The following MBNL1 variants were observed in gnomAD, a reference collection of about 807,000 sequenced individuals.
MBNL1 encodes muscleblind-like protein 1.
Under a neutral mutation model 42.2 loss-of-function variants are expected in MBNL1, and 8 were observed. That is an observed-to-expected ratio of 0.19 (90% CI 0.11 to 0.34). The LOEUF (loss-of-function observed/expected upper bound fraction) is 0.34. Among genes scored for constraint, MBNL1 ranks in the 10% least tolerant of loss-of-function variants. MBNL1 has a pLI of 1.00. For missense variants in MBNL1, 309 were observed against 495.3 expected, an observed-to-expected ratio of 0.62 and a Z score of 3.57; for synonymous variants, 169 against 173.9, an observed-to-expected ratio of 0.97 and a Z score of 0.22.
At chr3:152,361,683 C>T (rs2095970902) in intron 2 of MBNL1, among the ~76,000 whole-genome samples, 1 of 151,838 alleles carries the variant, frequency 6.6e-6, no homozygotes, top group Admixed American at 6.6e-5. Context: ...TGATAGATAC[C>T]AGATTTGTGT....
chr3:152,388,985 T>G (rs892638711), intron 2 of MBNL1, among the ~76,000 whole-genome samples: 5 of 152,224 alleles, frequency 3.3e-5, no homozygotes, highest in Non-Finnish European at 4.4e-5. Flanking sequence ...ATAAACCTTT[T>G]CTGGTTTAGA....
rs557962575 is a variant in MBNL1 at position 152,288,324 on chromosome 3, A to T, written c.-789-11081A>T. 3.3e-5 allele frequency among the ~76,000 whole-genome samples: 5 copies of T among 152,324 alleles called. No homozygotes were observed. In the South Asian group the frequency reaches 6.2e-4, roughly 19 times the overall value. On this transcript the variant is annotated intron_variant, in intron 1 of 9. Transcript: ENST00000324210. ...TCTTGGTTATTTTAATTAGAAGTGC[A>T]TGCTGCTTCAGGGAGACTCCCCACT...
intron 1 of MBNL1, among the ~76,000 whole-genome samples, chr3:152,292,450 A>G (rs1303714074): frequency 6.6e-6 from 1 of 152,220 alleles, no homozygotes; most frequent in African/African-American, 2.4e-5. Context: ...TAGGTGATTT[A>G]GGGAACCAAA....
intron 7 of MBNL1, 41 bp from the exon 8 acceptor site, chr3:152,456,226 A>G (rs770192178): frequency 7.3e-7 from 1 of 1,361,412 alleles, no homozygotes. Context: ...ATATTGCTAC[A>G]CTCTTCTGTA....
chr3:152,442,724 T>C (rs143975650), intron 4 of MBNL1, among the ~76,000 whole-genome samples: 1 of 152,350 alleles, frequency 6.6e-6, no homozygotes, highest in African/African-American at 2.4e-5. Context: ...TTATTGATGA[T>C]GTCTATTAGG....
At position 152,315,592 on chromosome 3, in the gene MBNL1, C is replaced by G. The variant is rs1277903042; in HGVS notation, c.174+15225C>G. Among the ~76,000 whole-genome samples the G allele has an allele frequency of 2.0e-5, 3 of 151,888 alleles. No individual in the cohort carries two copies. In the East Asian group the frequency reaches 5.8e-4, roughly 29 times the overall value. ...ATAAAGCCAGTATTATTTTCTTTGA[C>G]ATTATTTTGCAGTTTGAATTTTCTA... On this transcript the variant is annotated intron_variant, in intron 2 of 9. Transcript: ENST00000324210.
At chr3:152,318,670 G>A (rs2073996087) in intron 2 of MBNL1, among the ~76,000 whole-genome samples, 1 of 152,166 alleles carries the variant, frequency 6.6e-6, no homozygotes, top group Non-Finnish European at 1.5e-5. Flanking sequence ...CAGAGACATA[G>A]TGCTTAGCAT....
intron 1 of MBNL1, among the ~76,000 whole-genome samples, chr3:152,288,876 G>A (rs1327953130): frequency 2.6e-5 from 4 of 152,088 alleles, no homozygotes; most frequent in Non-Finnish European, 5.9e-5. Flanking sequence ...CCATTGATTA[G>A]CTGCTATATG....
At chr3:152,414,763 T>C (rs942644903) in intron 2 of MBNL1, among the ~76,000 whole-genome samples, 178 bp from the exon 3 acceptor site, 1 of 152,212 alleles carries the variant, frequency 6.6e-6, no homozygotes, top group African/African-American at 2.4e-5. Context: ...CCTCTCATAT[T>C]GATAGTACAT....
At chr3:152,381,922 G>C (rs934564570) in intron 2 of MBNL1, among the ~76,000 whole-genome samples, 60 of 152,104 alleles carry the variant, frequency 3.9e-4, no homozygotes, top group African/African-American at 1.4e-3. Context: ...TTTTTCAACT[G>C]TTCTTTTGAC....
intron 2 of MBNL1, among the ~76,000 whole-genome samples, chr3:152,346,881 T>TAAA (rs35680881): frequency 2.7e-3 from 381 of 141,872 alleles, no homozygotes; most frequent in African/African-American, 9.2e-3. Flanking sequence ...TCACTTTAAT[T>TAAA]AAAAAAAAAA....
At chr3:152,416,002 A>G (rs1478083948) in intron 3 of MBNL1, among the ~76,000 whole-genome samples, 1 of 152,228 alleles carries the variant, frequency 6.6e-6, no homozygotes, top group East Asian at 1.9e-4. Context: ...TTATCAGAAT[A>G]TATCTGTCAG....
chr3:152,414,822 C>CA (rs1292287359), intron 2 of MBNL1, 119 bp from the exon 3 acceptor site: 4 of 882,436 alleles, frequency 4.5e-6, no homozygotes, highest in Non-Finnish European at 7.3e-6. Context: ...ATGATATGGA[C>CA]AATGCATTGT....
intron 2 of MBNL1, among the ~76,000 whole-genome samples, chr3:152,306,047 G>C (rs976998556): frequency 6.6e-6 from 1 of 152,114 alleles, no homozygotes; most frequent in African/African-American, 2.4e-5. Context: ...TGGTTGACAG[G>C]CTGTTTGTCC....
intron 2 of MBNL1, among the ~76,000 whole-genome samples, chr3:152,390,218 A>G (rs2097648598): frequency 6.6e-6 from 1 of 150,946 alleles, no homozygotes; most frequent in Non-Finnish European, 1.5e-5. Context: ...CAGATTGTAC[A>G]TCTGTACAAA....
At chr3:152,430,793 T>G (rs920065417) in intron 3 of MBNL1, among the ~76,000 whole-genome samples, 6 of 152,154 alleles carry the variant, frequency 3.9e-5, no homozygotes, top group African/African-American at 1.2e-4. Flanking sequence ...AGATTTGGAA[T>G]GCACAGATAG....
chr3:152,401,264 T>C (rs1049112812), intron 2 of MBNL1, among the ~76,000 whole-genome samples: 10 of 152,194 alleles, frequency 6.6e-5, no homozygotes, highest in African/African-American at 1.9e-4. Context: ...TTATCTATAA[T>C]ATAGCTTGGG....
chr3:152,299,930 T>C lies in MBNL1; in HGVS notation c.-264T>C. 4.5e-6 allele frequency: 2 copies of C among 446,278 alleles called. No individual in the cohort carries two copies. The highest frequency in any genetic ancestry group is 7.9e-6 in the Non-Finnish European group (2 of 254,586). 27.6% of individuals were successfully genotyped at this position (446,278 alleles called of 1,614,324 possible). A position where few individuals can be genotyped will look rare whatever the true frequency, so the allele number is the denominator to read the frequency against. ...ACCAGGCCCTACTTTTAAACGTTCA[T>C]CTACTTACAATCCTAGTATTTCTCT... On this transcript the variant is annotated 5_prime_UTR_variant, in exon 2 of 10. Coordinates refer to ENST00000324210, the MANE Select transcript of MBNL1 (RefSeq NM_021038.5).
chr3:152,403,385 C>G (rs1232121698), intron 2 of MBNL1, among the ~76,000 whole-genome samples: 1 of 152,048 alleles, frequency 6.6e-6, no homozygotes, highest in East Asian at 1.9e-4. Flanking sequence ...GCTTCAATAC[C>G]CTTTTGCTAT....
Sources: allele counts gnomAD v4.1 joint callset (sites outside exome capture counted in the v4.1 genomes callset), GRCh38; gene constraint gnomAD v4.1.1; transcripts MANE v1.5; gene names NCBI Gene and HGNC (gene_info 2026-07-23, HGNC 2026-07-21).